Variants in ZNF430 observed in about 807,000 individuals in gnomAD.
ZNF430 encodes the protein zinc finger protein 430.
ZNF430 carries 35 observed loss-of-function variants against 56.7 expected under a neutral mutation model. The observed-to-expected ratio is 0.62, with a 90% CI of 0.47 to 0.82. The LOEUF is 0.82. Ranked by LOEUF, ZNF430 falls within the 40% of genes least tolerant of loss-of-function variation. The probability of loss-of-function intolerance (pLI) is 0.00; values close to 1 mark genes in which losing one functional copy is unlikely to be tolerated. For missense variants in ZNF430, 574 were observed against 661.0 expected (o/e 0.87, Z 1.44); for synonymous variants, 212 against 224.3 (o/e 0.94, Z 0.49).
chr19:21,051,919 ATTG>A (rs1968291236), intron 4 of ZNF430, among the ~76,000 whole-genome samples: 2 of 151,908 alleles, frequency 1.3e-5, no homozygotes, highest in Admixed American at 1.3e-4. Flanking sequence ...TGGGTACTTT[ATTG>A]TCTTTTGAGA....
intron 2 of ZNF430, among the ~76,000 whole-genome samples, chr19:21,031,664 G>T (rs2144758744): frequency 6.6e-6 from 1 of 152,176 alleles, no homozygotes; most frequent in East Asian, 1.9e-4. Context: ...ATTTTTAAAG[G>T]AACGTTCTCA....
intron 4 of ZNF430, among the ~76,000 whole-genome samples, chr19:21,054,980 T>A (rs1323811536): frequency 6.6e-6 from 1 of 152,000 alleles, no homozygotes; most frequent in Non-Finnish European, 1.5e-5. Flanking sequence ...GGCCGTCATT[T>A]TTTCTTTCAG....
intron 4 of ZNF430, among the ~76,000 whole-genome samples, chr19:21,055,073 T>G (rs1171486171): frequency 2.6e-5 from 4 of 152,110 alleles, no homozygotes; most frequent in African/African-American, 9.7e-5. Context: ...GTTCTTACCC[T>G]CATTTTTCTG....
In ZNF430 at chr19:21,058,446, GAAA is replaced by G. The variant is rs35595597; in HGVS notation, c.*437_*439del. 12 of 121,914 alleles carry G rather than the reference GAAA, an allele frequency of 9.8e-5. No individual in the cohort carries two copies. Among genetic ancestry groups the G allele is most frequent in the Admixed American group, 8.6e-5 (1 of 11,608 alleles). 7.6% of individuals were successfully genotyped at this position (121,914 alleles called of 1,614,324 possible). ...GCAACAAGAGTGGCACTCCATCTCA[GAAA>G]AAAAAAAAAAAGATAATTCATACTG... On this transcript the variant is annotated 3_prime_UTR_variant, in exon 5 of 5. Coordinates refer to ENST00000261560, the MANE Select transcript of ZNF430 (RefSeq NM_025189.4).
At chr19:21,038,639 G>A (rs1968046373) in intron 4 of ZNF430, among the ~76,000 whole-genome samples, 1 of 152,064 alleles carries the variant, frequency 6.6e-6, no homozygotes. Flanking sequence ...ATGTTGACCA[G>A]GCTGGTCTCA....
chr19:21,043,285 T>A (rs943734427), intron 4 of ZNF430, among the ~76,000 whole-genome samples: 12 of 152,212 alleles, frequency 7.9e-5, no homozygotes, highest in Non-Finnish European at 1.0e-4. Context: ...CCATCTTGAG[T>A]TAACTTTTGT....
intron 2 of ZNF430, among the ~76,000 whole-genome samples, chr19:21,031,265 G>T (rs964759200): frequency 6.6e-6 from 1 of 150,390 alleles, no homozygotes; most frequent in Non-Finnish European, 1.5e-5. Flanking sequence ...TATTGTTCTG[G>T]GTGGAAGCAT....
chr19:21,045,942 T>G (rs1968180437), intron 4 of ZNF430, among the ~76,000 whole-genome samples: 1 of 152,146 alleles, frequency 6.6e-6, no homozygotes, highest in Admixed American at 6.6e-5. Flanking sequence ...TGAGATGGGT[T>G]TCTTGAATAT....
chr19:21,043,996 G>T (rs1968149087), intron 4 of ZNF430, among the ~76,000 whole-genome samples: 1 of 150,074 alleles, frequency 6.7e-6, no homozygotes. Flanking sequence ...CTTTTGGGCT[G>T]ACATTGGGGC....
chr19:21,056,810 T>G lies in ZNF430; in HGVS notation c.502T>G (p.Cys168Gly). The G allele has an allele frequency of 1.2e-6, 2 of 1,613,996 alleles. No homozygotes were observed. The highest frequency in any genetic ancestry group is 1.7e-6 in the Non-Finnish European group (2 of 1,179,956). Residue 168 changes from cysteine to glycine, a missense_variant, in exon 5 of 5, where the codon TGT becomes GGT. Cys to Gly is a radical substitution (Grantham distance 159). Coordinates refer to ENST00000261560, the MANE Select transcript of ZNF430 (RefSeq NM_025189.4). ...HKECYDELNQCLTTTQSEIFQ... is the reference protein window; with the variant it reads ...HKECYDELNQGLTTTQSEIFQ... ...AGAATGTTATGATGAACTAAACCAG[T>G]GTTTGACAACTACCCAGAGTGAAAT...
At chr19:21,029,462 A>G (rs1599491354) in intron 2 of ZNF430, among the ~76,000 whole-genome samples, 2 of 152,186 alleles carry the variant, frequency 1.3e-5, no homozygotes, top group Non-Finnish European at 2.9e-5. Flanking sequence ...CAGTGGCAAA[A>G]ATAGATTAAA....
intron 2 of ZNF430, among the ~76,000 whole-genome samples, chr19:21,025,320 C>T (rs1271074881): frequency 6.6e-6 from 1 of 152,184 alleles, no homozygotes; most frequent in Non-Finnish European, 1.5e-5. Flanking sequence ...TGTAAACTGT[C>T]ATGGCACTGG....
At chr19:21,048,664 C>T (rs910370093) in intron 4 of ZNF430, among the ~76,000 whole-genome samples, 33 of 152,226 alleles carry the variant, frequency 2.2e-4, no homozygotes, top group African/African-American at 7.0e-4. Flanking sequence ...AAACCGCCAT[C>T]GTCATCATGG....
intron 4 of ZNF430, among the ~76,000 whole-genome samples, chr19:21,053,767 G>GTA (rs988906158): frequency 1.3e-5 from 2 of 151,994 alleles, no homozygotes; most frequent in African/African-American, 4.8e-5. Flanking sequence ...ATATGTATGT[G>GTA]TATATATATA....
chr19:21,033,614 A>G lies in ZNF430; in HGVS notation c.223+32A>G, dbSNP rs372856546. 588 of 1,576,794 alleles carry G rather than the reference A, an allele frequency of 3.7e-4. 1 individual carries two copies. The highest frequency in any genetic ancestry group is 4.9e-4 in the Non-Finnish European group (569 of 1,165,366). ...ATAACTTTAGTACACAATTACTAGT[A>G]TACCCTAAAGGTTTCATTTCTCATT... On this transcript the variant is annotated intron_variant, in intron 3 of 4. Coordinates refer to ENST00000261560, the MANE Select transcript of ZNF430 (RefSeq NM_025189.4).
chr19:21,054,255 G>T (rs186993094), intron 4 of ZNF430, among the ~76,000 whole-genome samples: 2 of 152,150 alleles, frequency 1.3e-5, no homozygotes, highest in African/African-American at 4.8e-5. Flanking sequence ...TTTCTATGAT[G>T]ATGTGTTGTT....
intron 4 of ZNF430, among the ~76,000 whole-genome samples, chr19:21,048,006 A>C (rs988993053): frequency 6.6e-6 from 1 of 152,022 alleles, no homozygotes; most frequent in Non-Finnish European, 1.5e-5. Flanking sequence ...CTTGTAGATA[A>C]GTTTTTTCTC....
At position 21,060,035 on chromosome 19, in the gene ZNF430, C is replaced by T. The variant is rs905746097; in HGVS notation, c.*2014C>T. 1.3e-5 allele frequency: 2 copies of T among 151,758 alleles called. No individual in the cohort carries two copies. Among genetic ancestry groups the T allele is most frequent in the African/African-American group, 4.8e-5 (2 of 41,348 alleles). 9.4% of individuals were successfully genotyped at this position (151,758 alleles called of 1,614,324 possible). A position where few individuals can be genotyped will look rare whatever the true frequency, so the allele number is the denominator to read the frequency against. On this transcript the variant is annotated 3_prime_UTR_variant, in exon 5 of 5. Coordinates refer to ENST00000261560, the MANE Select transcript of ZNF430 (RefSeq NM_025189.4). ...AATTGTACTTTTGTATAATAAAATC[C>T]AGTGTATTTTAAAAATGTTAGGTTA...
chr19:21,054,029 A>G (rs759481144), intron 4 of ZNF430, among the ~76,000 whole-genome samples: 6 of 151,976 alleles, frequency 3.9e-5, no homozygotes, highest in Non-Finnish European at 7.4e-5. Flanking sequence ...TTACATGCAA[A>G]TATTTTTTCT....
Sources: gnomAD v4.1 joint callset for allele counts (sites outside exome capture counted in the v4.1 genomes callset) on GRCh38, gnomAD v4.1.1 for gene constraint, MANE v1.5 for transcripts, NCBI Gene and HGNC (gene_info 2026-07-23, HGNC 2026-07-21) for gene names.